The following TRAPPC8 variants were observed in gnomAD, a reference collection of about 807,000 sequenced individuals.
TRAPPC8 encodes the protein trafficking protein particle complex subunit 8.
In TRAPPC8, 54 loss-of-function variants were observed where a neutral mutation model predicts 174.3. The ratio of observed to expected loss-of-function variants is 0.31; its 90% CI spans 0.25 to 0.39. The LOEUF is 0.39. Ranked by LOEUF, TRAPPC8 falls within the 10% of genes least tolerant of loss-of-function variation. TRAPPC8 has a pLI of 1.00. For missense variants in TRAPPC8, 1,531 were observed against 1,699.1 expected, an observed-to-expected ratio of 0.90 and a Z score of 1.74; for synonymous variants, 630 against 579.9, an observed-to-expected ratio of 1.09 and a Z score of -1.24.
In TRAPPC8 at chr18:31,834,810, C is replaced by T. The variant is rs184110995; in HGVS notation, c.3984-2637G>A. 4.6e-3 allele frequency among the ~76,000 whole-genome samples: 706 copies of T among 152,256 alleles called. 4 individuals are homozygous for T. The highest frequency in any genetic ancestry group is 8.0e-3 in the Non-Finnish European group (545 of 68,022). On this transcript the variant is annotated intron_variant, in intron 27 of 28. Transcript: ENST00000283351. Reference sequence around the variant, plus strand: ...TTCTCATACCTCTACTGCTCTGTGTCCCACTACCATGACCAAACCTCCTAC... The same window carrying T: ...TTCTCATACCTCTACTGCTCTGTGTTCCACTACCATGACCAAACCTCCTAC...
chr18:31,903,785 G>C (rs1238892621), intron 9 of TRAPPC8, among the ~76,000 whole-genome samples: 1 of 152,036 alleles, frequency 6.6e-6, no homozygotes, highest in Non-Finnish European at 1.5e-5. Flanking sequence ...CAGCACTTTG[G>C]GAGGCTGAGG....
intron 9 of TRAPPC8, among the ~76,000 whole-genome samples, chr18:31,901,784 G>C (rs975017489): frequency 1.3e-5 from 2 of 152,230 alleles, no homozygotes; most frequent in African/African-American, 4.8e-5. Flanking sequence ...TTCCAGAGCA[G>C]ACATTTGGAT....
chr18:31,846,727 G>A lies in TRAPPC8; in HGVS notation c.3826C>T (p.Pro1276Ser), dbSNP rs1261844925. 2 of 1,609,092 alleles carry A rather than the reference G, an allele frequency of 1.2e-6. No homozygotes were observed. Among genetic ancestry groups the A allele is most frequent in the African/African-American group, 2.7e-5 (2 of 74,766 alleles). ...RTIGKEAFSY[P>S]QKQEPPEMEL... The stretch of plus-strand genomic sequence containing the variant: ...AACTATGTTATCACCTGTTTCTGAG[G>A]ATATGAAAAGGCTTCTTTTCCTATA... The change falls in exon 26 of 29, where the codon CCT becomes TCT. Residue 1276 changes from proline to serine, a missense_variant. Physicochemically the swap from Pro to Ser is moderately conservative, Grantham distance 74. Transcript: ENST00000283351.
intron 25 of TRAPPC8, among the ~76,000 whole-genome samples, chr18:31,848,019 C>G (rs144778442): frequency 1.7e-3 from 252 of 152,162 alleles, no homozygotes; most frequent in African/African-American, 5.6e-3. Context: ...GCATCTTACT[C>G]TACAACTTTA....
In TRAPPC8 at chr18:31,900,958, T is replaced by C; in HGVS notation, c.1457A>G (p.Asp486Gly). The change falls in exon 10 of 29, where the codon GAT (aspartate) becomes GGT (glycine). Residue 486 changes from aspartate to glycine, a missense_variant. Transcript: ENST00000283351. The stretch of plus-strand genomic sequence containing the variant: ...ATCTCTGTATGTCTGAATTGCTGTA[T>C]CCATGTAATGAGCAGGATATGGCCT... ...APRPYPAHYM[D>G]TAIQTYRDIC... 6.3e-7 allele frequency: 1 copy of C among 1,596,868 alleles called. No homozygotes were observed. The highest frequency in any genetic ancestry group is 8.5e-7 in the Non-Finnish European group (1 of 1,175,392).
chr18:31,845,694 G>T (rs185893108), intron 26 of TRAPPC8, among the ~76,000 whole-genome samples: 23 of 152,206 alleles, frequency 1.5e-4, no homozygotes, highest in Middle Eastern at 3.4e-3. Context: ...CACTATTCTT[G>T]AAAGTTTTCT....
At position 31,874,638 on chromosome 18, in the gene TRAPPC8, C is replaced by A. The variant is rs369398698; in HGVS notation, c.1795G>T (p.Ala599Ser). 2 of 1,614,088 alleles carry A rather than the reference C, an allele frequency of 1.2e-6. No homozygotes were observed. Among genetic ancestry groups the A allele is most frequent in the African/African-American group, 1.3e-5 (1 of 75,044 alleles). The change falls in exon 13 of 29, where the codon GCA becomes TCA. Residue 599 changes from alanine to serine, a missense_variant. Physicochemically the swap from Ala to Ser is moderately conservative, Grantham distance 99. Transcript: ENST00000283351. Reference sequence around the variant, plus strand: ...ATAGTGAAATTAATGTGATCCTCTGCAAGAGACCAGCCTTTTCCTTTGTAA... The same window carrying A: ...ATAGTGAAATTAATGTGATCCTCTGAAAGAGACCAGCCTTTTCCTTTGTAA... Reference protein sequence around the residue: ...QVYKGKGWSLAEDHINFTIGR... With the variant: ...QVYKGKGWSLSEDHINFTIGR...
chr18:31,846,499 C>T (rs148067270), intron 26 of TRAPPC8, among the ~76,000 whole-genome samples: 175 of 152,084 alleles, frequency 1.2e-3, no homozygotes, highest in African/African-American at 1.8e-3. Flanking sequence ...CACCTGAGCC[C>T]GGGGAGGTCA....
In TRAPPC8 at chr18:31,831,020, A is replaced by AT. The variant is rs761171571; in HGVS notation, c.4074-32dup. ...GGAGGAGGAAAATGTAAGTTGCAGGATTTTTTTCTTTTTAATTTTTTTCCC... is the reference window on the plus strand; with the variant it reads ...GGAGGAGGAAAATGTAAGTTGCAGGATTTTTTTTCTTTTTAATTTTTTTCCC... On this transcript the variant is annotated intron_variant, in intron 28 of 28. Transcript: ENST00000283351. 60 of 1,569,132 alleles carry AT rather than the reference A, an allele frequency of 3.8e-5. No homozygotes were observed. The East Asian group carries it at 1.3e-3, about 35-fold the overall frequency.
intron 19 of TRAPPC8, among the ~76,000 whole-genome samples, chr18:31,858,244 A>G (rs1568053463): frequency 1.1e-5 from 1 of 91,182 alleles, no homozygotes; most frequent in Non-Finnish European, 2.4e-5. Flanking sequence ...GAGGGCTAAC[A>G]TGTCAAAATT....
intron 14 of TRAPPC8, among the ~76,000 whole-genome samples, chr18:31,871,350 T>G (rs1417610403): frequency 6.6e-6 from 1 of 152,100 alleles, no homozygotes; most frequent in Non-Finnish European, 1.5e-5. Context: ...TTTTCCCTCG[T>G]GTCCACAAGC....
chr18:31,886,774 AGTTT>A (rs2035739353), intron 12 of TRAPPC8, among the ~76,000 whole-genome samples: 1 of 152,168 alleles, frequency 6.6e-6, no homozygotes, highest in East Asian at 1.9e-4. Context: ...CGAGGTCAGG[AGTTT>A]GAGACCAGCT....
At chr18:31,940,742 C>T (rs1042031519) in intron 1 of TRAPPC8, among the ~76,000 whole-genome samples, 1 of 152,000 alleles carries the variant, frequency 6.6e-6, no homozygotes, top group Non-Finnish European at 1.5e-5. Context: ...CGTGATCCAC[C>T]CGCCTCGGCC....
intron 1 of TRAPPC8, among the ~76,000 whole-genome samples, chr18:31,933,905 AGCCG>A (rs1372242404): frequency 6.6e-6 from 1 of 152,122 alleles, no homozygotes; most frequent in Non-Finnish European, 1.5e-5. Flanking sequence ...GTATACATGC[AGCCG>A]GGCATGGTGT....
At chr18:31,919,601 A>T (rs2037300915) in intron 2 of TRAPPC8, among the ~76,000 whole-genome samples, 1 of 147,136 alleles carries the variant, frequency 6.8e-6, no homozygotes. Context: ...AAATAATAAT[A>T]ATCCTAACAC....
At chr18:31,942,578 G>A (rs1420589953) in intron 1 of TRAPPC8, 30 bp downstream of exon 1, 2 of 1,496,658 alleles carry the variant, frequency 1.3e-6, no homozygotes, top group Non-Finnish European at 1.8e-6. Context: ...CTTTGCGGGA[G>A]CCCACTGGAA....
intron 15 of TRAPPC8, 111 bp from the exon 16 acceptor site, chr18:31,870,613 T>A (rs1483909435): frequency 6.8e-6 from 8 of 1,178,900 alleles, no homozygotes; most frequent in Non-Finnish European, 9.6e-6. Context: ...CTGCCTAGAC[T>A]GTCCTTTATT....
chr18:31,897,788 C>G lies in TRAPPC8; in HGVS notation c.1594G>C (p.Glu532Gln). Reference protein sequence around the residue: ...AAALLIRLTSEDSDLRSALLL... With the variant: ...AAALLIRLTSQDSDLRSALLL... ...CAAATACTACACAGTTTCAGTACCT[C>G]ACTGGTCAACCGTATTAGGAGAGCT... Residue 532 changes from glutamate (E) to glutamine (Q), a missense_variant and splice_region_variant, in exon 11 of 29, where the codon GAG (glutamate) becomes CAG (glutamine). Physicochemically the swap from Glu to Gln is conservative, Grantham distance 29 (BLOSUM62 2). Transcript: ENST00000283351. The G allele has an allele frequency of 6.3e-7, 1 of 1,591,706 alleles. No individual in the cohort carries two copies. The highest frequency in any genetic ancestry group is 8.6e-7 in the Non-Finnish European group (1 of 1,167,374).
intron 12 of TRAPPC8, among the ~76,000 whole-genome samples, chr18:31,884,691 T>C (rs1476546470): frequency 6.6e-6 from 1 of 152,060 alleles, no homozygotes; most frequent in Non-Finnish European, 1.5e-5. Flanking sequence ...GTCAGAATTG[T>C]CTTTGAGGGG....
Sources: allele counts gnomAD v4.1 joint callset (sites outside exome capture counted in the v4.1 genomes callset), GRCh38; gene constraint gnomAD v4.1.1; transcripts MANE v1.5; gene names NCBI Gene and HGNC (gene_info 2026-07-23, HGNC 2026-07-21).